The following USP6NL variants were observed in gnomAD, a reference collection of about 807,000 sequenced individuals.
USP6NL encodes USP6 N-terminal-like protein.
A neutral mutation model predicts 61.9 loss-of-function variants in USP6NL; 26 were observed. The ratio of observed to expected loss-of-function variants is 0.42; its 90% CI spans 0.31 to 0.58. USP6NL has a LOEUF of 0.58. Ranked by LOEUF, USP6NL falls within the 20% of genes least tolerant of loss-of-function variation. The pLI, the probability that USP6NL is intolerant of heterozygous loss-of-function variation, is 0.16. For synonymous variants in USP6NL, 432 were observed against 390.1 expected (o/e 1.11, Z -1.27); for missense variants, 1,114 against 1,034.3 (o/e 1.08, Z -1.06).
intron 2 of USP6NL, among the ~76,000 whole-genome samples, chr10:11,594,301 T>C (rs1838251825): frequency 6.6e-6 from 1 of 152,218 alleles, no homozygotes; most frequent in South Asian, 2.1e-4. Flanking sequence ...CTCAGTCTGA[T>C]TCAGAGGGAG....
At chr10:11,541,935 G>A (rs955660822) in intron 2 of USP6NL, among the ~76,000 whole-genome samples, 18 of 152,062 alleles carry the variant, frequency 1.2e-4, no homozygotes, top group East Asian at 3.8e-4. Context: ...AACATAGTAC[G>A]GTGACTAGAA....
chr10:11,555,451 T>TATATATATATATATAGAGAG (rs1427219382), intron 2 of USP6NL, among the ~76,000 whole-genome samples: 1 of 61,004 alleles, frequency 1.6e-5, no homozygotes, highest in African/African-American at 8.5e-5. Context: ...TATATATATA[T>TATATATATATATATAGAGAG]AGAGAGAGAG....
rs1260858767 is a variant in USP6NL at position 11,474,853 on chromosome 10, C to A, written c.1078+6917G>T. ...TTACTACTATGTGACTCAAAAGCGGCCGGGGAGGTGGGATGTGAAGTGTGG... is the reference window on the plus strand; with the variant it reads ...TTACTACTATGTGACTCAAAAGCGGACGGGGAGGTGGGATGTGAAGTGTGG... On this transcript the variant is annotated intron_variant, in intron 14 of 14. Coordinates refer to ENST00000609104, the MANE Select transcript of USP6NL (RefSeq NM_014688.5). The surrounding 1 kb of genome is among the most constrained non-coding windows in gnomAD (Gnocchi z 4.9). Among the ~76,000 whole-genome samples, 1 of 152,018 alleles carries A rather than the reference C, an allele frequency of 6.6e-6. No individual in the cohort carries two copies. The highest frequency in any genetic ancestry group is 2.4e-5 in the African/African-American group (1 of 41,364).
chr10:11,609,777 A>G (rs557416202), intron 1 of USP6NL, among the ~76,000 whole-genome samples: 1 of 152,322 alleles, frequency 6.6e-6, no homozygotes, highest in Non-Finnish European at 1.5e-5. Context: ...TGGGGTGAGT[A>G]GTTCTCTTGG....
chr10:11,501,116 T>A lies in USP6NL; in HGVS notation c.369A>T (p.Thr123=). The A allele has an allele frequency of 6.2e-7, 1 of 1,611,588 alleles. No individual in the cohort carries two copies. The highest frequency in any genetic ancestry group is 8.5e-7 in the Non-Finnish European group (1 of 1,178,922). ...AGCTACTCACACTATACAGGTCCCT[T>A]GTTTCTTCTTTCATTTTAGGGATCT... The part of the protein sequence containing the change: ...LLEIPKMKEE[T]RDLYSKLKHR... Residue 123 remains threonine, a synonymous_variant, in exon 7 of 15, where the codon ACA becomes ACT. Coordinates refer to ENST00000609104, the MANE Select transcript of USP6NL (RefSeq NM_014688.5).
At position 11,537,120 on chromosome 10, in the gene USP6NL, GTTTGT is replaced by G. The variant is rs1374225046; in HGVS notation, c.5-9558_5-9554del. Among the ~76,000 whole-genome samples, 3 of 129,504 alleles carry G rather than the reference GTTTGT, an allele frequency of 2.3e-5. No individual in the cohort carries two copies. The highest frequency in any genetic ancestry group is 7.5e-5 in the African/African-American group (3 of 39,906). 85.0% of individuals were successfully genotyped at this position (129,504 alleles called of 152,430 possible). ...CCAGGTTTTGTTTTTGGGGGATTTT[GTTTGT>G]TTTGAGACAAGGTCTCACTCTGCCG... On this transcript the variant is annotated intron_variant, in intron 2 of 14. Transcript: ENST00000609104. The surrounding 1 kb of genome is among the most constrained non-coding windows in gnomAD (Gnocchi z 5.1).
In USP6NL at chr10:11,462,884, C is replaced by T; in HGVS notation, c.2044G>A (p.Glu682Lys). The change falls in exon 15 of 15, where the codon GAG becomes AAG. Residue 682 changes from glutamate to lysine, a missense_variant. Glu to Lys is a moderately conservative substitution (Grantham distance 56). Coordinates refer to ENST00000609104, the MANE Select transcript of USP6NL (RefSeq NM_014688.5). ...GGGCTTGGGCGGCTGTAAGATTTCT[C>T]CGGAGAAGCACTGACGGAAAGAGTA... ...GSTLSVSASP[E>K]KSYSRPSPLV... 6.2e-7 allele frequency: 1 copy of T among 1,613,712 alleles called. No homozygotes were observed. The highest frequency in any genetic ancestry group is 1.3e-5 in the African/African-American group (1 of 75,034).
chr10:11,556,282 A>G (rs779314134), intron 2 of USP6NL, among the ~76,000 whole-genome samples: 1 of 152,242 alleles, frequency 6.6e-6, no homozygotes, highest in Non-Finnish European at 1.5e-5. Flanking sequence ...GGGTAACACT[A>G]AAGAATAACA....
chr10:11,490,868 T>A lies in USP6NL; in HGVS notation c.507A>T (p.Leu169Phe). 1 of 1,544,812 alleles carries A rather than the reference T, an allele frequency of 6.5e-7. No homozygotes were observed. Among genetic ancestry groups the A allele is most frequent in the Non-Finnish European group, 8.7e-7 (1 of 1,146,298 alleles). Residue 169 changes from leucine to phenylalanine, a missense_variant, in exon 9 of 15, where the codon TTA becomes TTT. Physicochemically the swap from Leu to Phe is conservative, Grantham distance 22. Coordinates refer to ENST00000609104, the MANE Select transcript of USP6NL (RefSeq NM_014688.5). This position sits in a 1 kb window ranked among gnomAD's most constrained non-coding sequence, Gnocchi z 4.5. ...RDRYGVKQQS[L>F]FHVLAAYSIY... ...TAGAATAGGCAGCAAGCACATGGAA[T>A]AAGGATTGTTGCCTAGAGAAAAAAA...
Position 11,481,961 on chromosome 10 carries a change from A to T in USP6NL, c.926-39T>A. ...AGAGAAATGAAAATGCCAAGTCAAT[A>T]GCTACTTTAGGTAGGAAGATATTCT... On this transcript the variant is annotated intron_variant, in intron 13 of 14. Coordinates refer to ENST00000609104, the MANE Select transcript of USP6NL (RefSeq NM_014688.5). The surrounding 1 kb of genome is among the most constrained non-coding windows in gnomAD (Gnocchi z 4.4). 1 of 1,561,880 alleles carries T rather than the reference A, an allele frequency of 6.4e-7. No individual in the cohort carries two copies. Among genetic ancestry groups the T allele is most frequent in the Non-Finnish European group, 8.7e-7 (1 of 1,155,618 alleles).
In USP6NL at chr10:11,474,814, G is replaced by A. The variant is rs1832898655; in HGVS notation, c.1078+6956C>T. Among the ~76,000 whole-genome samples, 1 of 151,682 alleles carries A rather than the reference G, an allele frequency of 6.6e-6. No homozygotes were observed. Among genetic ancestry groups the A allele is most frequent in the African/African-American group, 2.4e-5 (1 of 41,322 alleles). The stretch of plus-strand genomic sequence containing the variant: ...CAAAAAATCTATCATAGAAGACTCA[G>A]TTTGCTGTTATCATTACTACTATGT... On this transcript the variant is annotated intron_variant, in intron 14 of 14. Coordinates refer to ENST00000609104, the MANE Select transcript of USP6NL (RefSeq NM_014688.5). The surrounding 1 kb of genome is among the most constrained non-coding windows in gnomAD (Gnocchi z 4.9).
At chr10:11,492,518 G>A (rs910418066) in intron 8 of USP6NL, among the ~76,000 whole-genome samples, 6 of 152,296 alleles carry the variant, frequency 3.9e-5, no homozygotes, top group African/African-American at 1.2e-4. Context: ...GCTCATCCCC[G>A]AGGCCCAGAC....
chr10:11,471,303 A>C (rs1022876307), intron 14 of USP6NL, among the ~76,000 whole-genome samples: 38 of 152,330 alleles, frequency 2.5e-4, no homozygotes, highest in African/African-American at 8.7e-4. Context: ...TTAGAATGGC[A>C]ATCATTCAAA....
intron 2 of USP6NL, among the ~76,000 whole-genome samples, chr10:11,581,207 G>A (rs760576943): frequency 6.6e-6 from 1 of 152,014 alleles, no homozygotes; most frequent in African/African-American, 2.4e-5. Context: ...ATCTGTCTTA[G>A]GTCCCACATA....
At position 11,462,479 on chromosome 10, in the gene USP6NL, G is replaced by A. The variant is rs2096218406; in HGVS notation, c.2449C>T (p.Arg817Trp). 6.2e-7 allele frequency: 1 copy of A among 1,613,910 alleles called. No homozygotes were observed. The highest frequency in any genetic ancestry group is 8.5e-7 in the Non-Finnish European group (1 of 1,179,886). The stretch of plus-strand genomic sequence containing the variant: ...GACTCTTGGATGGAAAGCCCGTCCC[G>A]ATTCCTGTAGTGGTAGGCTGGAGGC... Reference protein sequence around the residue: ...PPPPAYHYRNRDGLSIQESVL... With the variant: ...PPPPAYHYRNWDGLSIQESVL... Residue 817 changes from arginine to tryptophan, a missense_variant, in exon 15 of 15, where the codon CGG becomes TGG. Coordinates refer to ENST00000609104, the MANE Select transcript of USP6NL (RefSeq NM_014688.5).
chr10:11,524,546 T>A (rs1029361059), intron 4 of USP6NL, among the ~76,000 whole-genome samples: 1 of 152,104 alleles, frequency 6.6e-6, no homozygotes, highest in Non-Finnish European at 1.5e-5. Flanking sequence ...AAATAAATTC[T>A]AGACTCAGAA....
rs1328250124 is a variant in USP6NL at position 11,540,478 on chromosome 10, C to A, written c.5-12911G>T. On this transcript the variant is annotated intron_variant, in intron 2 of 14. Transcript: ENST00000609104. The surrounding 1 kb of genome is among the most constrained non-coding windows in gnomAD (Gnocchi z 5.0). The stretch of plus-strand genomic sequence containing the variant: ...TACAGAAAGGGCTCTATTGAATCTA[C>A]TTCATTCACTTAGTTTTAAGAACTT... Among the ~76,000 whole-genome samples, 2 of 152,168 alleles carry A rather than the reference C, an allele frequency of 1.3e-5. No individual in the cohort carries two copies. Among genetic ancestry groups the A allele is most frequent in the Non-Finnish European group, 2.9e-5 (2 of 68,032 alleles).
In USP6NL at chr10:11,463,592, C is replaced by T. The variant is rs752920436; in HGVS notation, c.1336G>A (p.Glu446Lys). Residue 446 changes from glutamate to lysine, a missense_variant, in exon 15 of 15, where the codon GAG (glutamate) becomes AAG (lysine). Coordinates refer to ENST00000609104, the MANE Select transcript of USP6NL (RefSeq NM_014688.5). This position sits in a 1 kb window ranked among gnomAD's most constrained non-coding sequence, Gnocchi z 6.3. ...GGGAGTTTTCTTTGAAAATCTGCCTCATCTTTAAGCTTTTTGCTCTCCTCC... is the reference window on the plus strand; with the variant it reads ...GGGAGTTTTCTTTGAAAATCTGCCTTATCTTTAAGCTTTTTGCTCTCCTCC... ...VEEESKKLKD[E>K]ADFQRKLPSG... 3 of 1,613,974 alleles carry T rather than the reference C, an allele frequency of 1.9e-6. No individual in the cohort carries two copies. In the South Asian group the frequency reaches 3.3e-5, roughly 18 times the overall value.
chr10:11,503,989 A>G (rs1834325989), intron 6 of USP6NL, among the ~76,000 whole-genome samples: 1 of 152,182 alleles, frequency 6.6e-6, no homozygotes, highest in South Asian at 2.1e-4. Flanking sequence ...AAGAAAGCCC[A>G]AGAGCAGAAA....
Sources: gnomAD v4.1 joint callset for allele counts (sites outside exome capture counted in the v4.1 genomes callset) on GRCh38, gnomAD v4.1.1 for gene constraint, Gnocchi (gnomAD v3.1) non-coding constraint, MANE v1.5 for transcripts, NCBI Gene and HGNC (gene_info 2026-07-23, HGNC 2026-07-21) for gene names.